The following EVC variants were observed in gnomAD, a reference collection of about 807,000 sequenced individuals.
The protein encoded by EVC is EvC ciliary complex subunit 1, also known as evC complex member EVC.
In EVC, 116 loss-of-function variants were observed where a neutral mutation model predicts 118.9. The observed-to-expected ratio is 0.98, with a 90% confidence interval of 0.84 to 1.14. EVC has a LOEUF of 1.14. EVC is among the 50% of genes most tolerant of loss of function. The pLI, the probability that EVC is intolerant of heterozygous loss-of-function variation, is 0.00. For missense variants in EVC, 1,401 were observed against 1,246.4 expected (o/e 1.12, Z -1.87); for synonymous variants, 619 against 534.7 (o/e 1.16, Z -2.18).
intron 11 of EVC, among the ~76,000 whole-genome samples, chr4:5,759,058 C>G (rs1731612504): frequency 8.5e-6 from 1 of 117,290 alleles, no homozygotes; most frequent in South Asian, 3.2e-4. Context: ...TATTAGTAAG[C>G]ATGTTGTGGA....
At chr4:5,797,495 C>G in intron 14 of EVC, 2 of 566,372 alleles carry the variant, frequency 3.5e-6, no homozygotes, top group Non-Finnish European at 6.4e-6. Context: ...ACCGCACTCC[C>G]TGGCTTGTAG....
intron 7 of EVC, among the ~76,000 whole-genome samples, 187 bp downstream of exon 7, chr4:5,745,528 T>A: frequency 6.6e-6 from 1 of 152,240 alleles, no homozygotes; most frequent in East Asian, 1.9e-4. Flanking sequence ...CAGCAAAGAT[T>A]CACAAAGGGA....
At position 5,743,796 on chromosome 4, in the gene EVC, T is replaced by C. The variant is rs537973942; in HGVS notation, c.802-1408T>C. Among the ~76,000 whole-genome samples, 28 of 152,238 alleles carry C rather than the reference T, an allele frequency of 1.8e-4. No individual in the cohort carries two copies. The highest frequency in any genetic ancestry group is 3.7e-4 in the Non-Finnish European group (25 of 68,044). The stretch of plus-strand genomic sequence containing the variant: ...CATACATTATTTCATTTAATAGTTA[T>C]GACAGCCCTGTGAGTGGCCATTGTT... On this transcript the variant is annotated intron_variant, in intron 6 of 20. Coordinates refer to ENST00000264956, the MANE Select transcript of EVC (RefSeq NM_153717.3). This position sits in a 1 kb window ranked among gnomAD's most constrained non-coding sequence, Gnocchi z 4.7.
intron 11 of EVC, among the ~76,000 whole-genome samples, chr4:5,774,252 G>A (rs1024296566): frequency 6.6e-6 from 1 of 151,178 alleles, no homozygotes; most frequent in Non-Finnish European, 1.5e-5. Context: ...GCAAACAACT[G>A]AAACAAAAAC....
chr4:5,748,767 TCCATCCATCCAC>T (rs1291419883), intron 8 of EVC, among the ~76,000 whole-genome samples: 1 of 36,588 alleles, frequency 2.7e-5, no homozygotes, highest in Non-Finnish European at 7.5e-5. Flanking sequence ...TACTCATCCA[TCCATCCATCCAC>T]CCATCCATCC....
chr4:5,815,207 C>G (rs530773236), downstream of EVC, among the ~76,000 whole-genome samples: 3 of 152,040 alleles, frequency 2.0e-5, no homozygotes, highest in Non-Finnish European at 4.4e-5. Flanking sequence ...AGCCCACTCC[C>G]GGGTCTCGGT....
At position 5,798,629 on chromosome 4, in the gene EVC, C is replaced by G. The variant is rs753274263; in HGVS notation, c.2141C>G (p.Ala714Gly). Residue 714 changes from alanine (A) to glycine (G), a missense_variant, in exon 15 of 21, where the codon GCA becomes GGA. Transcript: ENST00000264956. This position sits in a 1 kb window ranked among gnomAD's most constrained non-coding sequence, Gnocchi z 4.1. ...LEEASRLEEE[A>G]QQTRLQLQQR... Reference sequence around the variant, plus strand: ...GAGGCCAGCCGGCTAGAGGAGGAAGCACAGCAGACACGGCTGCAGCTCCAG... The same window carrying G: ...GAGGCCAGCCGGCTAGAGGAGGAAGGACAGCAGACACGGCTGCAGCTCCAG... 5.0e-6 allele frequency: 8 copies of G among 1,588,906 alleles called. No homozygotes were observed. The highest frequency in any genetic ancestry group is 6.8e-6 in the Non-Finnish European group (8 of 1,169,210).
intron 1 of EVC, among the ~76,000 whole-genome samples, chr4:5,712,023 GT>G (rs1449725124): frequency 6.6e-6 from 1 of 152,220 alleles, no homozygotes; most frequent in Non-Finnish European, 1.5e-5. Flanking sequence ...CACAGTAAAA[GT>G]TTTCAGGCAC....
chr4:5,718,920 A>G (rs970883071), intron 1 of EVC, among the ~76,000 whole-genome samples: 1 of 152,192 alleles, frequency 6.6e-6, no homozygotes, highest in Non-Finnish European at 1.5e-5. Context: ...TCCCAGTCCA[A>G]TGGGGTCCCC....
intron 5 of EVC, among the ~76,000 whole-genome samples, chr4:5,739,899 C>A (rs1192966371): frequency 3.6e-3 from 435 of 120,392 alleles, no homozygotes; most frequent in South Asian, 4.9e-3. Flanking sequence ...AACCCCATCT[C>A]AAAAAAAAAA....
downstream of EVC, among the ~76,000 whole-genome samples, chr4:5,819,246 A>C (rs1047474879): frequency 2.0e-5 from 3 of 152,218 alleles, no homozygotes; most frequent in Non-Finnish European, 1.5e-5. Context: ...CCCTGCCAAC[A>C]AGATGACCAC....
At chr4:5,772,178 G>A (rs1734095311) in intron 11 of EVC, among the ~76,000 whole-genome samples, 1 of 152,160 alleles carries the variant, frequency 6.6e-6, no homozygotes, top group Non-Finnish European at 1.5e-5. Flanking sequence ...TTACAGGCGT[G>A]AGCCACCGTG....
the EVC span, among the ~76,000 whole-genome samples, chr4:5,827,843 C>G: frequency 6.6e-6 from 1 of 152,126 alleles, no homozygotes; most frequent in East Asian, 1.9e-4. Flanking sequence ...AAGATGTTGG[C>G]CACGGGCGGG....
At chr4:5,714,468 T>C (rs1723605337) in intron 1 of EVC, among the ~76,000 whole-genome samples, 1 of 150,782 alleles carries the variant, frequency 6.6e-6, no homozygotes, top group South Asian at 2.1e-4. Flanking sequence ...CATTTCTAAA[T>C]AATGTGCCTA....
At chr4:5,740,014 A>G (rs1041938054) in intron 5 of EVC, among the ~76,000 whole-genome samples, 1 of 152,172 alleles carries the variant, frequency 6.6e-6, no homozygotes. Context: ...AAGCACTTCA[A>G]TGGAGGAATG....
chr4:5,759,732 G>A (rs1302367145), intron 11 of EVC, among the ~76,000 whole-genome samples: 1 of 152,234 alleles, frequency 6.6e-6, no homozygotes, highest in Non-Finnish European at 1.5e-5. Context: ...AAGCCAAGCA[G>A]TATATAAATG....
intron 11 of EVC, among the ~76,000 whole-genome samples, chr4:5,766,724 G>A (rs891300435): frequency 3.8e-4 from 50 of 131,006 alleles, no homozygotes; most frequent in Non-Finnish European, 6.6e-4. Context: ...CATTCTTCAC[G>A]TAGTTCTCGA....
the EVC span, chr4:5,821,566 G>A: frequency 3.6e-5 from 21 of 591,298 alleles, no homozygotes; most frequent in Non-Finnish European, 6.0e-5. The surrounding 1 kb of genome is among the most constrained non-coding windows in gnomAD (Gnocchi z 4.4). Flanking sequence ...CACAACTGTG[G>A]GGCAAGGAAT....
chr4:5,734,480 A>G (rs946577309), intron 5 of EVC, among the ~76,000 whole-genome samples: 1 of 151,122 alleles, frequency 6.6e-6, no homozygotes, highest in Non-Finnish European at 1.5e-5. Flanking sequence ...TCTCTACCAA[A>G]AACAAAAACA....
Sources: allele counts gnomAD v4.1 joint callset (sites outside exome capture counted in the v4.1 genomes callset), GRCh38; gene constraint gnomAD v4.1.1; non-coding constraint Gnocchi (gnomAD v3.1); transcripts MANE v1.5; gene names NCBI Gene and HGNC (gene_info 2026-07-23, HGNC 2026-07-21).